Variants in MTCL1 observed in about 807,000 individuals in gnomAD.
MTCL1 encodes microtubule cross-linking factor 1.
In MTCL1, 79 loss-of-function variants were observed where a neutral mutation model predicts 141.4. The observed-to-expected ratio is 0.56, with a 90% CI of 0.47 to 0.67. The LOEUF (loss-of-function observed/expected upper bound fraction) is 0.67. Among genes scored for constraint, MTCL1 ranks in the 30% least tolerant of loss-of-function variants. The pLI, the probability that MTCL1 is intolerant of heterozygous loss-of-function variation, is 0.00. For synonymous variants in MTCL1, 914 were observed against 875.8 expected (o/e 1.04, Z -0.77); for missense variants, 2,177 against 2,113.9 (o/e 1.03, Z -0.59).
rs576751281 is a variant in MTCL1, at chr18:8,825,491, G to A, written c.3981G>A (p.Val1327=). 7 of 1,610,996 alleles carry A rather than the reference G, an allele frequency of 4.3e-6. No homozygotes were observed. In the African/African-American group the frequency reaches 9.3e-5, roughly 21 times the overall value. The change falls in exon 15 of 17, where the codon GTG becomes GTA. Residue 1327 remains valine, a synonymous_variant. Transcript: ENST00000359865. Reference sequence around the variant, plus strand: ...CCCAGACTGTTCAGACCATCAGTGTGGGCTTGCAGACTGAAGCCCTGCGTG... The same window carrying A: ...CCCAGACTGTTCAGACCATCAGTGTAGGCTTGCAGACTGAAGCCCTGCGTG...
chr18:8,813,776 TAGCTCATCATCTTC>T (rs1157749853), intron 12 of MTCL1, among the ~76,000 whole-genome samples: 1 of 152,196 alleles, frequency 6.6e-6, no homozygotes, highest in Non-Finnish European at 1.5e-5. Flanking sequence ...AGGTAGCTGG[TAGCTCATCATCTTC>T]AGCTAAACAA....
rs1188616769 is a variant in MTCL1, at chr18:8,828,857, C to CA, written c.4723-50dup. On this transcript the variant is annotated intron_variant, in intron 15 of 16. Transcript: ENST00000359865. The surrounding 1 kb of genome is among the most constrained non-coding windows in gnomAD (Gnocchi z 5.2). ...CTTTATTGTTCTCCTGTTTAAAAAA[C>CA]ACTTTCCAACCTTCTTGCTTTTCTT... 30 of 1,613,568 alleles carry CA rather than the reference C, an allele frequency of 1.9e-5. No individual in the cohort carries two copies. The highest frequency in any genetic ancestry group is 2.5e-5 in the Non-Finnish European group (29 of 1,179,914).
chr18:8,805,404 C>A (rs1886045668), intron 10 of MTCL1, among the ~76,000 whole-genome samples: 1 of 152,202 alleles, frequency 6.6e-6, no homozygotes, highest in Non-Finnish European at 1.5e-5. Flanking sequence ...TAATGGCCTC[C>A]AGCTGCAACC....
Position 8,738,223 on chromosome 18 carries a change from T to G in MTCL1, c.357+17727T>G, listed in dbSNP as rs1016848907. On this transcript the variant is annotated intron_variant, in intron 4 of 16. Coordinates refer to ENST00000359865, the Ensembl canonical transcript of MTCL1. ...TATTGGTGCAGTTTTTAAAAATAAT[T>G]GTATGCATTAATCATCTGCTAGAAG... 3.3e-5 allele frequency among the ~76,000 whole-genome samples: 5 copies of G among 152,170 alleles called. No individual in the cohort carries two copies. In the South Asian group the frequency reaches 1.0e-3, roughly 32 times the overall value.
intron 9 of MTCL1, among the ~76,000 whole-genome samples, chr18:8,797,827 C>A (rs2075978810): frequency 1.3e-5 from 2 of 152,328 alleles, no homozygotes; most frequent in South Asian, 2.1e-4. Flanking sequence ...ACTTATAAAA[C>A]CATAGCTATT....
At position 8,785,817 on chromosome 18, in the gene MTCL1, G is replaced by A. The variant is rs536829622; in HGVS notation, c.1732-119G>A. On this transcript the variant is annotated intron_variant, in intron 6 of 16. Transcript: ENST00000359865. ...GGTCGTTTTCTCAGTCGTCTCCCTT[G>A]TCCATTTTTGTTTTCTTTATCCCCC... 2.4e-6 allele frequency: 3 copies of A among 1,228,594 alleles called. No homozygotes were observed. In the South Asian group the frequency reaches 4.7e-5, roughly 19 times the overall value. The allele number at this position is 1,228,594 out of a possible 1,614,324, so 76.1% of individuals were successfully genotyped here. A position where few individuals can be genotyped will look rare whatever the true frequency, so the allele number is the denominator to read the frequency against.
exon 1 of MTCL1, chr18:8,706,439 C>A (rs2096058611): frequency 8.1e-7 from 1 of 1,227,716 alleles, no homozygotes; most frequent in Non-Finnish European, 1.0e-6. Flanking sequence ...CGAGGAGCGC[C>A]GCCGGGCAGC....
intron 12 of MTCL1, among the ~76,000 whole-genome samples, chr18:8,814,875 AT>A (rs2076600608): frequency 6.6e-6 from 1 of 152,142 alleles, no homozygotes; most frequent in Non-Finnish European, 1.5e-5. Context: ...TTAGGTTTTT[AT>A]TTTTACTTTT....
intron 4 of MTCL1, among the ~76,000 whole-genome samples, chr18:8,763,519 C>T (rs1211583636): frequency 2.6e-5 from 4 of 152,258 alleles, no homozygotes; most frequent in African/African-American, 9.6e-5. Flanking sequence ...CTCTTATCAG[C>T]GTCTCAATTT....
intron 8 of MTCL1, among the ~76,000 whole-genome samples, chr18:8,793,447 T>C (rs2075807341): frequency 6.6e-6 from 1 of 152,240 alleles, no homozygotes; most frequent in Non-Finnish European, 1.5e-5. Flanking sequence ...AAAGTGTGTC[T>C]GTCACCTCTG....
intron 4 of MTCL1, among the ~76,000 whole-genome samples, chr18:8,745,624 C>G (rs1009792601): frequency 6.6e-6 from 1 of 152,120 alleles, no homozygotes; most frequent in Admixed American, 6.5e-5. Context: ...TGTTCGTTTC[C>G]CGGTGCCCAC....
At position 8,706,955 on chromosome 18, in the gene MTCL1, G is replaced by T; in HGVS notation, c.1053+242G>T. 1.2e-5 allele frequency: 7 copies of T among 566,544 alleles called. No individual in the cohort carries two copies. In the South Asian group the frequency reaches 1.9e-4, roughly 16 times the overall value. The allele number at this position is 566,544 out of a possible 1,614,324, so 35.1% of individuals were successfully genotyped here. A position where few individuals can be genotyped will look rare whatever the true frequency, so the allele number is the denominator to read the frequency against. ...CTCTTTTCTCGCGTCTAGAACTCTTGCGTCTCTTCGCTGATACTTTTACTT... is the reference window on the plus strand; with the variant it reads ...CTCTTTTCTCGCGTCTAGAACTCTTTCGTCTCTTCGCTGATACTTTTACTT... On this transcript the variant is annotated intron_variant, in intron 1 of 13. Transcript: ENST00000306329.
intron 4 of MTCL1, among the ~76,000 whole-genome samples, chr18:8,777,501 CTCT>C (rs1384406737): frequency 6.6e-6 from 1 of 152,192 alleles, no homozygotes; most frequent in Non-Finnish European, 1.5e-5. Flanking sequence ...TGCCTTTCTC[CTCT>C]TCTTCTTGCC....
chr18:8,778,026 A>C, intron 5 of MTCL1, 134 bp downstream of exon 4: 5 of 703,710 alleles, frequency 7.1e-6, no homozygotes, highest in Non-Finnish European at 1.2e-5. Flanking sequence ...ACGTGGACTC[A>C]TTCCTAACCT....
intron 12 of MTCL1, among the ~76,000 whole-genome samples, chr18:8,814,967 A>C (rs934713566): frequency 3.3e-5 from 5 of 152,234 alleles, no homozygotes. Flanking sequence ...GACTTACAGG[A>C]AACAACAGGT....
At chr18:8,746,621 C>T (rs1182356681) in intron 4 of MTCL1, among the ~76,000 whole-genome samples, 2 of 152,108 alleles carry the variant, frequency 1.3e-5, no homozygotes, top group Non-Finnish European at 2.9e-5. Flanking sequence ...CCTTCTTGCA[C>T]GGAAGCCTTC....
chr18:8,746,848 G>A (rs375066561), intron 4 of MTCL1, among the ~76,000 whole-genome samples: 1 of 152,228 alleles, frequency 6.6e-6, no homozygotes, highest in East Asian at 1.9e-4. Flanking sequence ...CCCGAGGACC[G>A]CGTGCACCTA....
chr18:8,715,163 C>G (rs1362460232), upstream of MTCL1, among the ~76,000 whole-genome samples: 2 of 152,196 alleles, frequency 1.3e-5, no homozygotes, highest in South Asian at 2.1e-4. Flanking sequence ...CTATTTACAT[C>G]TGGTCTGCTC....
chr18:8,831,742 C>G, exon 17 of MTCL1: 1 of 1,550,528 alleles, frequency 6.4e-7, no homozygotes, highest in Non-Finnish European at 8.7e-7. Flanking sequence ...ACCCGGAGAC[C>G]CGACGTCCTT....
Sources: allele counts gnomAD v4.1 joint callset (sites outside exome capture counted in the v4.1 genomes callset), GRCh38; gene constraint gnomAD v4.1.1; non-coding constraint Gnocchi (gnomAD v3.1); transcripts MANE v1.5; gene names NCBI Gene and HGNC (gene_info 2026-07-23, HGNC 2026-07-21).